PARVA: variants seen among roughly 807,000 people sequenced by gnomAD.
The protein encoded by PARVA is parvin alpha.
PARVA carries 25 observed loss-of-function variants against 52.6 expected under a neutral mutation model. The observed-to-expected ratio is 0.48, with a 90% CI of 0.35 to 0.66. The LOEUF (loss-of-function observed/expected upper bound fraction) is 0.66, where lower values mean the gene tolerates loss of function less well. Among genes scored for constraint, PARVA ranks in the 30% least tolerant of loss-of-function variants. The pLI is 0.01. For missense variants in PARVA, 373 were observed against 450.9 expected (o/e 0.83, Z 1.56); for synonymous variants, 185 against 179.1 (o/e 1.03, Z -0.26).
intron 1 of PARVA, among the ~76,000 whole-genome samples, chr11:12,416,621 G>A (rs1473645302): frequency 6.6e-6 from 1 of 151,950 alleles, no homozygotes; most frequent in East Asian, 1.9e-4. Context: ...AAGGAAGGAA[G>A]AAAAGGAAAG....
At chr11:12,412,312 A>G (rs1940002183) in intron 1 of PARVA, among the ~76,000 whole-genome samples, 1 of 152,224 alleles carries the variant, frequency 6.6e-6, no homozygotes, top group African/African-American at 2.4e-5. Flanking sequence ...TTTCTATACC[A>G]TCTTTAACAC....
chr11:12,497,910 C>G (rs1341433797), intron 5 of PARVA, among the ~76,000 whole-genome samples: 1 of 152,150 alleles, frequency 6.6e-6, no homozygotes, highest in Non-Finnish European at 1.5e-5. Flanking sequence ...TTGATCCTAT[C>G]TCCCGCTCCT....
intron 1 of PARVA, among the ~76,000 whole-genome samples, chr11:12,420,901 A>C (rs1177306498): frequency 1.3e-5 from 2 of 152,038 alleles, no homozygotes; most frequent in African/African-American, 4.8e-5. Flanking sequence ...TCCTCTTCAC[A>C]CCACCCCACC....
chr11:12,478,053 G>T, intron 4 of PARVA, 104 bp downstream of exon 4: 1 of 775,766 alleles, frequency 1.3e-6, no homozygotes, highest in South Asian at 1.4e-5. Context: ...TGGCTTACCT[G>T]GAAATGGATT....
In PARVA at chr11:12,518,472, C is replaced by T; in HGVS notation, c.997C>T (p.Leu333Phe). Residue 333 changes from leucine to phenylalanine, a missense_variant, in exon 12 of 13, where the codon CTC (leucine) becomes TTC (phenylalanine). Leu to Phe is a conservative substitution (Grantham distance 22). Transcript: ENST00000334956. ...CTTGAATGTCTCCTTTGCCTTTGAG[C>T]TCATGCAAGATGGAGGGTTGGAAAA... ...KVLNVSFAFE[L>F]MQDGGLEKPK... 1 of 1,613,702 alleles carries T rather than the reference C, an allele frequency of 6.2e-7. No homozygotes were observed. The highest frequency in any genetic ancestry group is 1.1e-5 in the South Asian group (1 of 90,994).
chr11:12,466,839 G>A (rs947421123), intron 1 of PARVA, among the ~76,000 whole-genome samples: 15 of 152,022 alleles, frequency 9.9e-5, no homozygotes, highest in African/African-American at 2.2e-4. Context: ...CTCCAACTTC[G>A]TTATTCTTCC....
intron 1 of PARVA, among the ~76,000 whole-genome samples, chr11:12,460,405 C>T (rs552511207): frequency 4.1e-4 from 63 of 152,148 alleles, no homozygotes; most frequent in African/African-American, 1.4e-3. Flanking sequence ...TGGATTGTTG[C>T]AAAGATTATA....
intron 4 of PARVA, chr11:12,479,892 C>T (rs1941064081): frequency 6.6e-6 from 1 of 152,210 alleles, no homozygotes; most frequent in South Asian, 2.1e-4. Flanking sequence ...TCTCCAGCAC[C>T]ATCAGGTTGT....
intron 1 of PARVA, among the ~76,000 whole-genome samples, chr11:12,455,861 T>A (rs920831173): frequency 6.6e-6 from 1 of 152,186 alleles, no homozygotes; most frequent in Non-Finnish European, 1.5e-5. Flanking sequence ...TCTTCATCTT[T>A]CCTCAAGTGT....
intron 1 of PARVA, among the ~76,000 whole-genome samples, chr11:12,392,857 C>T (rs975284005): frequency 2.0e-5 from 3 of 152,002 alleles, no homozygotes; most frequent in African/African-American, 7.2e-5. Flanking sequence ...ATCTCCTTCA[C>T]TCATTTTTTA....
chr11:12,439,661 C>T (rs1940435311), intron 1 of PARVA, among the ~76,000 whole-genome samples: 1 of 152,056 alleles, frequency 6.6e-6, no homozygotes, highest in Non-Finnish European at 1.5e-5. Flanking sequence ...TGATGGTTTT[C>T]CCATATTGGC....
rs369141277 is a variant in PARVA at position 12,482,991 on chromosome 11, TG to T, written c.400+5043del. Reference sequence around the variant, plus strand: ...ACAGGTGAGCGTCCTTGAGATGCCATGTGACTTTGGCTGGCAAGGACTGGCT... The same window carrying T: ...ACAGGTGAGCGTCCTTGAGATGCCATTGACTTTGGCTGGCAAGGACTGGCT... On this transcript the variant is annotated intron_variant, in intron 4 of 12. Coordinates refer to ENST00000334956, the MANE Select transcript of PARVA (RefSeq NM_018222.5). Among the ~76,000 whole-genome samples, 16 of 152,370 alleles carry T rather than the reference TG, an allele frequency of 1.1e-4. No individual in the cohort carries two copies. In the East Asian group the frequency reaches 2.3e-3, roughly 22 times the overall value.
At chr11:12,488,087 TAGAA>T (rs1288044653) in intron 4 of PARVA, among the ~76,000 whole-genome samples, 24 of 152,212 alleles carry the variant, frequency 1.6e-4, no homozygotes, top group African/African-American at 3.1e-4. Context: ...TCAAGTAAAA[TAGAA>T]AGAGGAAACT....
chr11:12,513,968 G>A (rs762840245), intron 9 of PARVA, 29 bp from the exon 10 acceptor site: 1 of 1,604,964 alleles, frequency 6.2e-7, no homozygotes. Context: ...CGAGTCCCCA[G>A]CTTAGGGCCT....
intron 4 of PARVA, among the ~76,000 whole-genome samples, chr11:12,486,070 A>C (rs547318709): frequency 2.4e-4 from 37 of 152,248 alleles, no homozygotes; most frequent in Non-Finnish European, 4.7e-4. Flanking sequence ...TAAGATATAG[A>C]GTTAACAGTC....
chr11:12,492,484 A>G (rs1941245597), intron 4 of PARVA, among the ~76,000 whole-genome samples: 1 of 152,198 alleles, frequency 6.6e-6, no homozygotes, highest in South Asian at 2.1e-4. Context: ...AAAGAACATT[A>G]TCTTTAAATC....
rs1325385766 is a variant in PARVA at position 12,532,519 on chromosome 11, G to A, written c.*4594G>A. 1.3e-5 allele frequency among the ~76,000 whole-genome samples: 2 copies of A among 152,204 alleles called. No individual in the cohort carries two copies. The highest frequency in any genetic ancestry group is 3.9e-4 in the East Asian group (2 of 5,190). On this transcript the variant is annotated 3_prime_UTR_variant, in exon 13 of 13. Transcript: ENST00000334956. ...CATATATTCGGCAAGTATGTGTTGA[G>A]TGCAGCATGTCCAAGGGTGAGTGAG... is the stretch of plus-strand genomic sequence containing the variant.
chr11:12,427,458 T>G lies in PARVA; in HGVS notation c.137-46287T>G, dbSNP rs943408775. Among the ~76,000 whole-genome samples, 8 of 152,360 alleles carry G rather than the reference T, an allele frequency of 5.3e-5. No homozygotes were observed. In the East Asian group the frequency reaches 1.5e-3, roughly 29 times the overall value. On this transcript the variant is annotated intron_variant, in intron 1 of 12. Coordinates refer to ENST00000334956, the MANE Select transcript of PARVA (RefSeq NM_018222.5). ...AAAATCATTGACATGAATACATGGC[T>G]ATTTTAGCCCAAATCAACAGTTATC...
At chr11:12,426,547 CA>C (rs10709907) in intron 1 of PARVA, among the ~76,000 whole-genome samples, 18,322 of 152,126 alleles carry the variant, frequency 0.12, 2,017 homozygotes, top group African/African-American at 0.29. Flanking sequence ...TTGCTCCAAG[CA>C]ATAAATATAT....
Sources: allele counts gnomAD v4.1 joint callset (sites outside exome capture counted in the v4.1 genomes callset), GRCh38; gene constraint gnomAD v4.1.1; transcripts MANE v1.5; gene names NCBI Gene and HGNC (gene_info 2026-07-23, HGNC 2026-07-21).